Variants in ADCY2 observed in about 807,000 individuals in gnomAD.
ADCY2 encodes the protein adenylate cyclase type 2.
A neutral mutation model predicts 125.2 loss-of-function variants in ADCY2; 31 were observed. The observed-to-expected ratio is 0.25, with a 90% CI of 0.19 to 0.33. The LOEUF (loss-of-function observed/expected upper bound fraction) is 0.33, where lower values mean the gene tolerates loss of function less well. Among genes scored for constraint, ADCY2 ranks in the 10% least tolerant of loss-of-function variants. The pLI is 1.00. For synonymous variants in ADCY2, 512 were observed against 548.4 expected, an observed-to-expected ratio of 0.93 and a Z score of 0.93; for missense variants, 904 against 1,418.2, an observed-to-expected ratio of 0.64 and a Z score of 5.82.
intron 19 of ADCY2, among the ~76,000 whole-genome samples, chr5:7,784,773 G>T (rs200195474): frequency 7.3e-6 from 1 of 136,976 alleles, no homozygotes; most frequent in African/African-American, 2.7e-5. Context: ...GACACTATTT[G>T]AAAAAAAAAA....
chr5:7,728,378 G>A (rs1579363756), intron 14 of ADCY2, among the ~76,000 whole-genome samples: 2 of 152,184 alleles, frequency 1.3e-5, no homozygotes. Flanking sequence ...TTTTGTTCAT[G>A]TATGTACAGT....
intron 3 of ADCY2, among the ~76,000 whole-genome samples, chr5:7,521,368 A>G (rs1349391283): frequency 6.6e-6 from 1 of 152,200 alleles, no homozygotes. Context: ...TTAAAAAAAA[A>G]GTAATTCTTT....
chr5:7,802,193 C>G lies in ADCY2; in HGVS notation c.2629-25C>G. 1 of 1,611,060 alleles carries G rather than the reference C, an allele frequency of 6.2e-7. No individual in the cohort carries two copies. The highest frequency in any genetic ancestry group is 8.5e-7 in the Non-Finnish European group (1 of 1,179,064). On this transcript the variant is annotated intron_variant, in intron 20 of 24. Coordinates refer to ENST00000338316, the MANE Select transcript of ADCY2 (RefSeq NM_020546.3). This position sits in a 1 kb window ranked among gnomAD's most constrained non-coding sequence, Gnocchi z 4.6. ...GTTTAAAGGTCAGTCTCCTAGTGAT[C>G]AGCTCTTGCTTTTCTCCCAAGCAGG...
intron 12 of ADCY2, among the ~76,000 whole-genome samples, chr5:7,722,294 G>T (rs1221051651): frequency 2.0e-5 from 3 of 152,146 alleles, no homozygotes; most frequent in African/African-American, 4.8e-5. Flanking sequence ...GTGCATGCTG[G>T]CCCAACTAGT....
intron 3 of ADCY2, among the ~76,000 whole-genome samples, chr5:7,614,284 C>T (rs1329279486): frequency 1.3e-5 from 2 of 152,124 alleles, no homozygotes; most frequent in African/African-American, 4.8e-5. Flanking sequence ...CGACTAAGAA[C>T]CTCCATCTCT....
In ADCY2 at chr5:7,663,921, A is replaced by T. The variant is rs142767358; in HGVS notation, c.721-26770A>T. Among the ~76,000 whole-genome samples the T allele has an allele frequency of 4.0e-3, 614 of 152,338 alleles. 6 individuals are homozygous for T. Among genetic ancestry groups the T allele is most frequent in the African/African-American group, 0.014 (589 of 41,590 alleles). On this transcript the variant is annotated intron_variant, in intron 4 of 24. Coordinates refer to ENST00000338316, the MANE Select transcript of ADCY2 (RefSeq NM_020546.3). ...TGGGAATTGCAGAGGTCAGGAAGGT[A>T]TCTGAAGCAACTGAAGAAGTTCAAG...
chr5:7,410,542 TA>T (rs1739668416), intron 1 of ADCY2, among the ~76,000 whole-genome samples: 2 of 152,158 alleles, frequency 1.3e-5, no homozygotes, highest in South Asian at 4.1e-4. Context: ...AAGGAACCCA[TA>T]ATCATCTCAG....
At chr5:7,732,872 C>A (rs543539611) in intron 14 of ADCY2, among the ~76,000 whole-genome samples, 40 of 152,196 alleles carry the variant, frequency 2.6e-4, no homozygotes, top group Non-Finnish European at 5.1e-4. Context: ...ATCATTGAAT[C>A]TGGCTCTAGT....
Position 7,720,320 on chromosome 5 carries a change from T to G in ADCY2, c.1703+3083T>G, listed in dbSNP as rs567360424. Among the ~76,000 whole-genome samples the G allele has an allele frequency of 3.3e-5, 5 of 152,316 alleles. No individual in the cohort carries two copies. In the South Asian group the frequency reaches 1.0e-3, roughly 32 times the overall value. ...CCTTGTTTTCTATAAGTCAAAATAT[T>G]CCCAAGTCAATTGCTGATAAATAAC... On this transcript the variant is annotated intron_variant, in intron 12 of 24. Transcript: ENST00000338316.
intron 4 of ADCY2, among the ~76,000 whole-genome samples, chr5:7,632,534 G>A (rs1738350379): frequency 6.6e-6 from 1 of 151,840 alleles, no homozygotes; most frequent in Non-Finnish European, 1.5e-5. Flanking sequence ...ACTCTCATTG[G>A]TGTAACATTA....
intron 2 of ADCY2, among the ~76,000 whole-genome samples, chr5:7,467,651 A>C (rs1007871869): frequency 5.3e-5 from 8 of 152,222 alleles, no homozygotes; most frequent in Non-Finnish European, 1.2e-4. Flanking sequence ...TAACAAAAAT[A>C]AGTGGAATTT....
intron 1 of ADCY2, among the ~76,000 whole-genome samples, chr5:7,404,907 C>A (rs1221750564): frequency 6.6e-6 from 1 of 152,160 alleles, no homozygotes; most frequent in Admixed American, 6.5e-5. Context: ...GCACTGCTGG[C>A]CAGAACACCT....
At chr5:7,448,400 A>G (rs980089923) in intron 2 of ADCY2, among the ~76,000 whole-genome samples, 1 of 152,076 alleles carries the variant, frequency 6.6e-6, no homozygotes, top group African/African-American at 2.4e-5. Context: ...TGTGTAGCAG[A>G]TGGCTCTGAC....
At chr5:7,797,556 T>G (rs574150323) in intron 20 of ADCY2, 1 of 152,326 alleles carries the variant, frequency 6.6e-6, no homozygotes, top group East Asian at 1.9e-4. Flanking sequence ...GTCCCTAACA[T>G]CTGGTATGAA....
At chr5:7,668,547 T>C (rs1739832217) in intron 4 of ADCY2, among the ~76,000 whole-genome samples, 1 of 152,142 alleles carries the variant, frequency 6.6e-6, no homozygotes, top group African/African-American at 2.4e-5. Flanking sequence ...AAGAATAACA[T>C]GGAGAATTTA....
At chr5:7,817,097 C>G in intron 23 of ADCY2, 117 bp downstream of exon 23, 1 of 751,280 alleles carries the variant, frequency 1.3e-6, no homozygotes, top group South Asian at 1.7e-5. Context: ...CAAATGCATC[C>G]CGTTGCAAGA....
At chr5:7,755,353 T>C (rs1190128055) in intron 15 of ADCY2, among the ~76,000 whole-genome samples, 1 of 151,788 alleles carries the variant, frequency 6.6e-6, no homozygotes, top group Non-Finnish European at 1.5e-5. Flanking sequence ...CAGGGGGGCA[T>C]GTGCGCTGTA....
At chr5:7,588,510 G>A (rs1239594449) in intron 3 of ADCY2, among the ~76,000 whole-genome samples, 4 of 152,192 alleles carry the variant, frequency 2.6e-5, no homozygotes, top group South Asian at 2.1e-4. Context: ...AAGAACCAGT[G>A]GATAGATCAA....
At chr5:7,645,196 G>A (rs545730224) in intron 4 of ADCY2, among the ~76,000 whole-genome samples, 29 of 152,238 alleles carry the variant, frequency 1.9e-4, no homozygotes, top group African/African-American at 7.0e-4. Context: ...GTCACTCAAG[G>A]TGCATGTGCT....
Sources: allele counts gnomAD v4.1 joint callset (sites outside exome capture counted in the v4.1 genomes callset), GRCh38; gene constraint gnomAD v4.1.1; non-coding constraint Gnocchi (gnomAD v3.1); transcripts MANE v1.5; gene names NCBI Gene and HGNC (gene_info 2026-07-23, HGNC 2026-07-21).